The following CLUH variants were observed in gnomAD, a reference collection of about 807,000 sequenced individuals.
CLUH encodes clustered mitochondria protein homolog.
A neutral mutation model predicts 139.3 loss-of-function variants in CLUH; 77 were observed. The ratio of observed to expected loss-of-function variants is 0.55; its 90% confidence interval spans 0.46 to 0.67. The LOEUF (loss-of-function observed/expected upper bound fraction) is 0.67, where lower values mean the gene tolerates loss of function less well. Ranked by LOEUF, CLUH falls within the 30% of genes least tolerant of loss-of-function variation. The pLI is 0.00. For missense variants in CLUH, 1,876 were observed against 1,875.8 expected (o/e 1.00, Z 0.00); for synonymous variants, 999 against 801.6 (o/e 1.25, Z -4.16).
Position 2,707,192 on chromosome 17 carries a change from C to A in CLUH, c.101-2628G>T. On this transcript the variant is annotated intron_variant, in intron 1 of 25. Coordinates refer to ENST00000651024, the MANE Select transcript of CLUH (RefSeq NM_001366661.1). This position sits in a 1 kb window ranked among gnomAD's most constrained non-coding sequence, Gnocchi z 7.4. ...GCTCACCTGGTGCAGTTGGCAGCTG[C>A]CCTCCCCTCGGCTCTGGAGTCTCAG... 1 of 985,446 alleles carries A rather than the reference C, an allele frequency of 1.0e-6. No individual in the cohort carries two copies. Among genetic ancestry groups the A allele is most frequent in the African/African-American group, 1.7e-5 (1 of 57,374 alleles). 61.0% of individuals were successfully genotyped at this position (985,446 alleles called of 1,614,324 possible). A position where few individuals can be genotyped will look rare whatever the true frequency, so the allele number is the denominator to read the frequency against.
chr17:2,700,501 C>G (rs372059519), intron 8 of CLUH, 27 bp from the exon 9 acceptor site: 1 of 1,600,144 alleles, frequency 6.2e-7, no homozygotes, highest in Admixed American at 1.7e-5. Context: ...GAGGGAAAAA[C>G]GAGCTCAGCC....
Position 2,704,632 on chromosome 17 carries a change from C to T in CLUH, c.101-68G>A. On this transcript the variant is annotated intron_variant, in intron 1 of 25. Transcript: ENST00000651024. This position sits in a 1 kb window ranked among gnomAD's most constrained non-coding sequence, Gnocchi z 5.7. Reference sequence around the variant, plus strand: ...GTCGGCGGGGCTGTCCGCCTGACCCCACACGGGGACACGTGCCTTCTGGAA... The same window carrying T: ...GTCGGCGGGGCTGTCCGCCTGACCCTACACGGGGACACGTGCCTTCTGGAA... 7.1e-7 allele frequency: 1 copy of T among 1,406,684 alleles called. No individual in the cohort carries two copies. The highest frequency in any genetic ancestry group is 9.5e-7 in the Non-Finnish European group (1 of 1,049,950). 87.1% of individuals were successfully genotyped at this position (1,406,684 alleles called of 1,614,324 possible). A position where few individuals can be genotyped will look rare whatever the true frequency, so the allele number is the denominator to read the frequency against.
At chr17:2,710,540 G>C (rs1350865165) in intron 1 of CLUH, among the ~76,000 whole-genome samples, 1 of 152,168 alleles carries the variant, frequency 6.6e-6, no homozygotes, top group Non-Finnish European at 1.5e-5. Context: ...GGAGGGACTG[G>C]GGGACAGGAG....
At position 2,689,729 on chromosome 17, in the gene CLUH, G is replaced by A. The variant is rs1416523430; in HGVS notation, c.*865C>T. ...AGACCAGGAAGGGAGCTGGGCACCAGAGAAGCGACATCACGTCGGCACCTG... is the reference window on the plus strand; with the variant it reads ...AGACCAGGAAGGGAGCTGGGCACCAAAGAAGCGACATCACGTCGGCACCTG... On this transcript the variant is annotated 3_prime_UTR_variant, in exon 26 of 26. Transcript: ENST00000651024. The A allele has an allele frequency of 6.5e-6, 1 of 152,766 alleles. No individual in the cohort carries two copies. Among genetic ancestry groups the A allele is most frequent in the East Asian group, 1.9e-4 (1 of 5,202 alleles). 9.5% of individuals were successfully genotyped at this position (152,766 alleles called of 1,614,324 possible).
intron 9 of CLUH, among the ~76,000 whole-genome samples, chr17:2,699,385 A>C (rs143083139): frequency 2.6e-5 from 4 of 152,288 alleles, no homozygotes; most frequent in Non-Finnish European, 5.9e-5. Flanking sequence ...ATGCAGCGGC[A>C]CGAGATCCGA....
intron 1 of CLUH, among the ~76,000 whole-genome samples, chr17:2,708,150 C>A (rs936647062): frequency 6.6e-6 from 1 of 152,174 alleles, no homozygotes; most frequent in Non-Finnish European, 1.5e-5. Context: ...AAGGGCTGCC[C>A]CAGCATCCAC....
Position 2,690,611 on chromosome 17 carries a change from G to A in CLUH, c.4030C>T (p.Pro1344Ser), listed in dbSNP as rs370836405. 2.7e-6 allele frequency: 4 copies of A among 1,494,772 alleles called. No homozygotes were observed. The highest frequency in any genetic ancestry group is 2.6e-5 in the East Asian group (1 of 38,186). The allele number at this position is 1,494,772 out of a possible 1,614,324, so 92.6% of individuals were successfully genotyped here. The stretch of plus-strand genomic sequence containing the variant: ...CTCCCTCTCTATCCCTGCACGCTCG[G>A]AGAAGGGTCCTTGGCAGCCGGGGGC... ...SQPPAAKDPS[P>S]SVQG The change falls in exon 26 of 26, where the codon CCG becomes TCG. Residue 1344 changes from proline to serine, a missense_variant. By Grantham distance (74) the Pro-to-Ser change is moderately conservative. This residue lies in a region of CLUH where 1,454 missense variants were observed against 1,384.4 expected (regional missense o/e 1.05). Transcript: ENST00000651024.
rs778074033 is a variant in CLUH at position 2,695,494 on chromosome 17, G to A, written c.2424C>T (p.Pro808=). 73 of 1,607,340 alleles carry A rather than the reference G, an allele frequency of 4.5e-5. No homozygotes were observed. The Admixed American group carries it at 5.0e-4, about 11-fold the overall frequency. The change falls in exon 14 of 26, where the codon CCC becomes CCT. Residue 808 remains proline (P), a synonymous_variant. Transcript: ENST00000651024. ...VKDCMEHAVL[P]VDGATLAEVM... ...CCTCTGCCAGCGTTGCCCCGTCCAC[G>A]GGCAGGACCGCGTGCTCCATGCAGT...
chr17:2,691,986 C>CG lies in CLUH; in HGVS notation c.3654+17_3654+18insC. ...GCCCCCGCCCCGCCCCCGCCCCCGCCACGCCCCCGCCGCGCACCTGCGTCT... is the reference window on the plus strand; with the variant it reads ...GCCCCCGCCCCGCCCCCGCCCCCGCCGACGCCCCCGCCGCGCACCTGCGTCT... On this transcript the variant is annotated intron_variant, in intron 23 of 25. Coordinates refer to ENST00000651024, the MANE Select transcript of CLUH (RefSeq NM_001366661.1). 9.5e-6 allele frequency: 3 copies of CG among 316,150 alleles called. 1 individual carries two copies. The highest frequency in any genetic ancestry group is 1.2e-5 in the Non-Finnish European group (3 of 254,816). The allele number at this position is 316,150 out of a possible 1,614,324, so 19.6% of individuals were successfully genotyped here.
At chr17:2,705,244 C>A (rs1379025194) in intron 1 of CLUH, among the ~76,000 whole-genome samples, 2 of 152,122 alleles carry the variant, frequency 1.3e-5, no homozygotes, top group Non-Finnish European at 2.9e-5. Flanking sequence ...AGTCACCCAC[C>A]CTAAATCTCC....
At chr17:2,691,928 C>A (rs746382623) in intron 23 of CLUH, 33 bp from the exon 24 acceptor site, 58 of 1,147,534 alleles carry the variant, frequency 5.1e-5, no homozygotes, top group South Asian at 1.7e-4. Flanking sequence ...CAGGCCCCCC[C>A]GTGCCCCCGC....
intron 25 of CLUH, 31 bp downstream of exon 25, chr17:2,691,578 G>C (rs549136049): frequency 6.2e-7 from 1 of 1,602,356 alleles, no homozygotes; most frequent in Non-Finnish European, 8.5e-7. Flanking sequence ...ACCCCCAACC[G>C]GGAGACACTC....
rs1181127123 is a variant in CLUH, at chr17:2,704,993, G to A, written c.101-429C>T. Among the ~76,000 whole-genome samples, 6 of 151,978 alleles carry A rather than the reference G, an allele frequency of 3.9e-5. No individual in the cohort carries two copies. Among genetic ancestry groups the A allele is most frequent in the African/African-American group, 1.5e-4 (6 of 41,368 alleles). On this transcript the variant is annotated intron_variant, in intron 1 of 25. Transcript: ENST00000651024. The surrounding 1 kb of genome is among the most constrained non-coding windows in gnomAD (Gnocchi z 5.7). ...CATCCCTCCTGAGCTGTGGTCCTGG[G>A]CTGCAGGGGGGCTGCAGGGGAGTGC... is the stretch of plus-strand genomic sequence containing the variant.
rs1456174127 is a variant in CLUH, at chr17:2,694,889, C to T, written c.2820G>A (p.Glu940=). 3 of 1,574,186 alleles carry T rather than the reference C, an allele frequency of 1.9e-6. No homozygotes were observed. The highest frequency in any genetic ancestry group is 2.6e-6 in the Non-Finnish European group (3 of 1,158,004). ...GGTCGAAGTCAAAGTAGTTCTTGGCCTCCTGGCAGATGTTCTTCCAGAGCT... is the reference window on the plus strand; with the variant it reads ...GGTCGAAGTCAAAGTAGTTCTTGGCTTCCTGGCAGATGTTCTTCCAGAGCT... ...PQELWKNICQ[E]AKNYFDFDLE... The change falls in exon 16 of 26, where the codon GAG becomes GAA. Residue 940 remains glutamate (E), a synonymous_variant. Transcript: ENST00000651024.
chr17:2,704,635 A>C lies in CLUH; in HGVS notation c.101-71T>G. On this transcript the variant is annotated intron_variant, in intron 1 of 25. Coordinates refer to ENST00000651024, the MANE Select transcript of CLUH (RefSeq NM_001366661.1). This position sits in a 1 kb window ranked among gnomAD's most constrained non-coding sequence, Gnocchi z 5.7. ...GGCGGGGCTGTCCGCCTGACCCCAC[A>C]CGGGGACACGTGCCTTCTGGAAAGG... 1.4e-6 allele frequency: 2 copies of C among 1,389,280 alleles called. No individual in the cohort carries two copies. Among genetic ancestry groups the C allele is most frequent in the Non-Finnish European group, 1.9e-6 (2 of 1,034,644 alleles). 86.1% of individuals were successfully genotyped at this position (1,389,280 alleles called of 1,614,324 possible).
chr17:2,700,445 C>G lies in CLUH; in HGVS notation c.1203G>C (p.Thr401=), dbSNP rs200696518. ...QTRDWNEELQ[T]TRELPRKNLP... ...GGTTCTTGCGAGGCAGCTCCCTCGT[C>G]GTCTGCAGCTCCTCATTCCAGTCTC... Residue 401 remains threonine (T), a synonymous_variant, in exon 9 of 26, where the codon ACG becomes ACC. Coordinates refer to ENST00000651024, the MANE Select transcript of CLUH (RefSeq NM_001366661.1). The G allele has an allele frequency of 1.2e-6, 2 of 1,613,066 alleles. No individual in the cohort carries two copies. Among genetic ancestry groups the G allele is most frequent in the Non-Finnish European group, 1.7e-6 (2 of 1,179,752 alleles).
chr17:2,692,547 C>T, intron 21 of CLUH, 24 bp downstream of exon 21: 1 of 1,601,376 alleles, frequency 6.2e-7, no homozygotes, highest in Non-Finnish European at 8.5e-7. Context: ...TGGGTCCCTG[C>T]CGCCCCCCCG....
Position 2,704,569 on chromosome 17 carries a change from G to T in CLUH, c.101-5C>A. The T allele has an allele frequency of 6.4e-7, 1 of 1,550,460 alleles. No individual in the cohort carries two copies. Among genetic ancestry groups the T allele is most frequent in the Non-Finnish European group, 8.7e-7 (1 of 1,148,144 alleles). On this transcript the variant is annotated splice_polypyrimidine_tract_variant and splice_region_variant and intron_variant, in intron 1 of 25. Coordinates refer to ENST00000651024, the MANE Select transcript of CLUH (RefSeq NM_001366661.1). This position sits in a 1 kb window ranked among gnomAD's most constrained non-coding sequence, Gnocchi z 5.7. Reference sequence around the variant, plus strand: ...AGAGCATGACTGATGGCAGCTCTGCGGGTGACAAGAACGGGTCAGAATCAG... The same window carrying T: ...AGAGCATGACTGATGGCAGCTCTGCTGGTGACAAGAACGGGTCAGAATCAG...
In CLUH at chr17:2,696,420, C is replaced by G. The variant is rs1449631843; in HGVS notation, c.2290+14G>C. 2 of 1,570,102 alleles carry G rather than the reference C, an allele frequency of 1.3e-6. No individual in the cohort carries two copies. Among genetic ancestry groups the G allele is most frequent in the Non-Finnish European group, 1.7e-6 (2 of 1,158,498 alleles). Reference sequence around the variant, plus strand: ...CCTGGAGGGCTCCTGCGCTGGCCGGCCCCCACCACCTGCCTGGTGAGAAGA... The same window carrying G: ...CCTGGAGGGCTCCTGCGCTGGCCGGGCCCCACCACCTGCCTGGTGAGAAGA... On this transcript the variant is annotated intron_variant, in intron 12 of 25. Transcript: ENST00000651024.
Sources: allele counts gnomAD v4.1 joint callset (sites outside exome capture counted in the v4.1 genomes callset), GRCh38; gene constraint gnomAD v4.1.1; regional missense constraint gnomAD v4.1.1; non-coding constraint Gnocchi (gnomAD v3.1); transcripts MANE v1.5; gene names NCBI Gene and HGNC (gene_info 2026-07-23, HGNC 2026-07-21).